KIAA0753: variants seen among roughly 807,000 people sequenced by gnomAD.
KIAA0753 encodes the protein protein moonraker.
KIAA0753 carries 114 observed loss-of-function variants against 116.9 expected under a neutral mutation model. The observed-to-expected ratio is 0.98, with a 90% confidence interval of 0.84 to 1.14. The LOEUF (loss-of-function observed/expected upper bound fraction) is 1.14, where lower values mean the gene tolerates loss of function less well. KIAA0753 is among the 50% of genes most tolerant of loss of function. The probability of loss-of-function intolerance (pLI) is 0.00; values close to 1 mark genes in which losing one functional copy is unlikely to be tolerated. For synonymous variants in KIAA0753, 405 were observed against 413.1 expected, an observed-to-expected ratio of 0.98 and a Z score of 0.24; for missense variants, 1,156 against 1,172.4, an observed-to-expected ratio of 0.99 and a Z score of 0.20.
intron 18 of KIAA0753, among the ~76,000 whole-genome samples, chr17:6,584,236 A>G (rs1968405717): frequency 6.6e-6 from 1 of 152,234 alleles, no homozygotes; most frequent in African/African-American, 2.4e-5. Context: ...TCCAGTGCTC[A>G]ACAAAGGGCT....
In KIAA0753 at chr17:6,591,040, G is replaced by GGAAGAAGGAAGAAGGAGGAA. The variant is rs1567540520; in HGVS notation, c.2441-411_2441-410insTTCCTCCTTCTTCCTTCTTC. Among the ~76,000 whole-genome samples, 44 of 100,056 alleles carry GGAAGAAGGAAGAAGGAGGAA rather than the reference G, an allele frequency of 4.4e-4. 1 individual carries two copies. The highest frequency in any genetic ancestry group is 1.5e-3 in the African/African-American group (40 of 25,944). The allele number at this position is 100,056 out of a possible 152,430, so 65.6% of individuals were successfully genotyped here. ...AGAAGGAAGAAGGAAGAAGGAAGAAGGAAGAAGAAGAAGAAGAAGAAGAAG... is the reference window on the plus strand; with the variant it reads ...AGAAGGAAGAAGGAAGAAGGAAGAAGGAAGAAGGAAGAAGGAGGAAGAAGAAGAAGAAGAAGAAGAAGAAG... On this transcript the variant is annotated intron_variant, in intron 16 of 18. Coordinates refer to ENST00000361413, the MANE Select transcript of KIAA0753 (RefSeq NM_014804.3).
At chr17:6,616,816 A>G (rs1970965060) in intron 7 of KIAA0753, among the ~76,000 whole-genome samples, 1 of 152,184 alleles carries the variant, frequency 6.6e-6, no homozygotes, top group Admixed American at 6.5e-5. Context: ...ACAAAGCAAG[A>G]CTACGTCTCA....
At chr17:6,628,833 C>T in intron 2 of KIAA0753, 92 bp from the exon 3 acceptor site, 5 of 1,307,952 alleles carry the variant, frequency 3.8e-6, no homozygotes, top group Middle Eastern at 2.0e-4. Context: ...AAAATTTTGC[C>T]ACCAGATCAT....
At chr17:6,637,705 G>C (rs1222568901) in intron 1 of KIAA0753, 4 of 152,548 alleles carry the variant, frequency 2.6e-5, no homozygotes, top group African/African-American at 9.7e-5. Flanking sequence ...GGTCGAGGTG[G>C]GCACCTCCAT....
rs1460252542 is a variant in KIAA0753 at position 6,611,847 on chromosome 17, T to C, written c.1545+72A>G. The C allele has an allele frequency of 1.4e-5, 18 of 1,246,928 alleles. No individual in the cohort carries two copies. The East Asian group carries it at 2.8e-4, about 19-fold the overall frequency. 77.2% of individuals were successfully genotyped at this position (1,246,928 alleles called of 1,614,324 possible). On this transcript the variant is annotated intron_variant, in intron 8 of 18. Transcript: ENST00000361413. ...AATTGCCTGAGAACTGGCTCCACCA[T>C]ATACCAGTTTATGTGACCTTGACAA...
intron 12 of KIAA0753, among the ~76,000 whole-genome samples, chr17:6,605,411 C>A (rs1970131436): frequency 6.6e-6 from 1 of 152,178 alleles, no homozygotes. Context: ...ATGGAGGACG[C>A]CCTGTGTGTG....
chr17:6,586,568 T>G (rs1373157540), intron 18 of KIAA0753, among the ~76,000 whole-genome samples: 1 of 152,234 alleles, frequency 6.6e-6, no homozygotes, highest in Non-Finnish European at 1.5e-5. Context: ...TATTCATTCT[T>G]GTAGTGACAT....
chr17:6,634,095 C>CT (rs59023654), intron 2 of KIAA0753, among the ~76,000 whole-genome samples: 16,351 of 130,078 alleles, frequency 0.13, 1,528 homozygotes, highest in East Asian at 0.35. Flanking sequence ...AGGGTGAATT[C>CT]TTTTTTTTTT....
intron 2 of KIAA0753, 111 bp downstream of exon 2, chr17:6,634,900 T>G (rs1972218207): frequency 1.4e-6 from 1 of 706,598 alleles, no homozygotes; most frequent in Non-Finnish European, 2.4e-6. Flanking sequence ...AAAAAATTGT[T>G]AGCAATTGCT....
chr17:6,636,721 G>A lies in KIAA0753; in HGVS notation c.-68-1550C>T, dbSNP rs1176862650. On this transcript the variant is annotated intron_variant, in intron 1 of 18. Transcript: ENST00000361413. The stretch of plus-strand genomic sequence containing the variant: ...GCCAGTGCCTTCATCCGCAACCCAT[G>A]ACAAACCTACCCCGAACCTGTTCCC... 2.6e-5 allele frequency: 4 copies of A among 152,234 alleles called. No individual in the cohort carries two copies. The East Asian group carries it at 7.7e-4, about 29-fold the overall frequency. 9.4% of individuals were successfully genotyped at this position (152,234 alleles called of 1,614,324 possible).
At position 6,608,460 on chromosome 17, in the gene KIAA0753, C is replaced by A; in HGVS notation, c.1717G>T (p.Ala573Ser). 6.6e-7 allele frequency: 1 copy of A among 1,523,204 alleles called. No individual in the cohort carries two copies. Among genetic ancestry groups the A allele is most frequent in the Non-Finnish European group, 8.9e-7 (1 of 1,126,314 alleles). The allele number at this position is 1,523,204 out of a possible 1,614,324, so 94.4% of individuals were successfully genotyped here. ...TSPPASPKCA[A>S]WLKVKTSPRD... ...GGGCTAGTTTTCACCTTTAGCCATG[C>A]AGCACTGAAATAAATGGAAAAGCAT... Residue 573 changes from alanine to serine, a missense_variant, in exon 10 of 19, where the codon GCA (alanine) becomes TCA (serine). By Grantham distance (99) the Ala-to-Ser change is moderately conservative. Transcript: ENST00000361413.
Position 6,610,166 on chromosome 17 carries a change from A to T in KIAA0753, c.1546-6T>A, listed in dbSNP as rs1005296997. 1.1e-5 allele frequency: 17 copies of T among 1,613,762 alleles called. No homozygotes were observed. In the Middle Eastern group the frequency reaches 9.9e-4, roughly 94 times the overall value. ...CTTTCAGCTTTGCGGAGTCCCTGTGAGAGATAAGTAAGAATTATAAGGCCA... is the reference window on the plus strand; with the variant it reads ...CTTTCAGCTTTGCGGAGTCCCTGTGTGAGATAAGTAAGAATTATAAGGCCA... On this transcript the variant is annotated splice_polypyrimidine_tract_variant and splice_region_variant and intron_variant, in intron 8 of 18. Transcript: ENST00000361413.
intron 2 of KIAA0753, among the ~76,000 whole-genome samples, chr17:6,630,782 T>C (rs1187506681): frequency 2.0e-5 from 3 of 152,190 alleles, no homozygotes; most frequent in African/African-American, 7.2e-5. Context: ...CTTCTATGAA[T>C]TAATGTGGAG....
At chr17:6,581,180 T>C (rs1968154474) in intron 18 of KIAA0753, among the ~76,000 whole-genome samples, 1 of 152,206 alleles carries the variant, frequency 6.6e-6, no homozygotes, top group Non-Finnish European at 1.5e-5. Flanking sequence ...TCGCATTTTG[T>C]TGTCACAGCT....
At chr17:6,589,255 A>G (rs921056910) in intron 18 of KIAA0753, among the ~76,000 whole-genome samples, 1 of 152,190 alleles carries the variant, frequency 6.6e-6, no homozygotes, top group African/African-American at 2.4e-5. Flanking sequence ...GAGAAGAGGA[A>G]GAGACCACAG....
At chr17:6,638,861 C>G (rs1400086977) in intron 1 of KIAA0753, 1 of 152,924 alleles carries the variant, frequency 6.5e-6, no homozygotes, top group South Asian at 2.0e-4. Flanking sequence ...GCCCTGGGTA[C>G]CCCTGTAGCC....
At chr17:6,617,616 A>G (rs1420777545) in intron 7 of KIAA0753, among the ~76,000 whole-genome samples, 1 of 152,110 alleles carries the variant, frequency 6.6e-6, no homozygotes, top group African/African-American at 2.4e-5. Flanking sequence ...TTCCTAAGGA[A>G]GCATTTTGTT....
intron 1 of KIAA0753, chr17:6,638,265 G>C (rs1458620294): frequency 1.3e-5 from 2 of 152,756 alleles, no homozygotes; most frequent in African/African-American, 4.8e-5. Flanking sequence ...CCCGAGCCAC[G>C]GGTCCCCCCG....
At chr17:6,631,880 G>C (rs1972038647) in intron 2 of KIAA0753, among the ~76,000 whole-genome samples, 1 of 152,084 alleles carries the variant, frequency 6.6e-6, no homozygotes, top group Admixed American at 6.6e-5. Context: ...TGAGCCTGGA[G>C]TATCTTTTAT....
Sources: allele counts gnomAD v4.1 joint callset (sites outside exome capture counted in the v4.1 genomes callset), GRCh38; gene constraint gnomAD v4.1.1; transcripts MANE v1.5; gene names NCBI Gene and HGNC (gene_info 2026-07-23, HGNC 2026-07-21).